The following ATP13A3 variants were observed in gnomAD, a reference collection of about 807,000 sequenced individuals.
The protein encoded by ATP13A3 is polyamine-transporting ATPase 13A3.
A neutral mutation model predicts 158.1 loss-of-function variants in ATP13A3; 59 were observed. The ratio of observed to expected loss-of-function variants is 0.37; its 90% confidence interval spans 0.30 to 0.46. ATP13A3 has a LOEUF of 0.46. Ranked by LOEUF, ATP13A3 falls within the 20% of genes least tolerant of loss-of-function variation. The probability of loss-of-function intolerance (pLI) is 1.00; values close to 1 mark genes in which losing one functional copy is unlikely to be tolerated. For synonymous variants in ATP13A3, 491 were observed against 504.3 expected (o/e 0.97, Z 0.35); for missense variants, 1,166 against 1,525.2 (o/e 0.76, Z 3.92).
Position 194,427,253 on chromosome 3 carries a change from C to T in ATP13A3, c.2948-1G>A. The T allele has an allele frequency of 6.3e-7, 1 of 1,590,512 alleles. No individual in the cohort carries two copies. The highest frequency in any genetic ancestry group is 8.5e-7 in the Non-Finnish European group (1 of 1,173,966). On this transcript the variant is annotated splice_acceptor_variant, in intron 28 of 33. Coordinates refer to ENST00000645319, the MANE Select transcript of ATP13A3 (RefSeq NM_001367549.1). LOFTEE classifies it high-confidence loss of function. ...TCTTTCCAGGCAGGATTTAAACTCA[C>T]TATATTGAAAAGAAAAAGAGGAAAG...
Position 194,404,154 on chromosome 3 carries a change from TG to T in ATP13A3, c.*1764del, listed in dbSNP as rs1438357022. On this transcript the variant is annotated 3_prime_UTR_variant, in exon 34 of 34. Coordinates refer to ENST00000645319, the MANE Select transcript of ATP13A3 (RefSeq NM_001367549.1). ...GAGAATAAGTAACTATAGAAAATAG[TG>T]CTAATTCACAGCTCAAGAGGTCTAA... 4 of 447,240 alleles carry T rather than the reference TG, an allele frequency of 8.9e-6. No individual in the cohort carries two copies. Among genetic ancestry groups the T allele is most frequent in the Non-Finnish European group, 1.8e-5 (4 of 224,808 alleles). 27.7% of individuals were successfully genotyped at this position (447,240 alleles called of 1,614,324 possible).
intron 30 of ATP13A3, 126 bp from the exon 31 acceptor site, chr3:194,420,093 G>A: frequency 9.4e-7 from 1 of 1,069,072 alleles, no homozygotes. Flanking sequence ...TCAGTTGATG[G>A]AATAAAGTAT....
At chr3:194,458,452 A>G (rs1347123694) in intron 6 of ATP13A3, among the ~76,000 whole-genome samples, 1 of 152,120 alleles carries the variant, frequency 6.6e-6, no homozygotes, top group Non-Finnish European at 1.5e-5. Flanking sequence ...GGAGTGGCAC[A>G]GTATCAGCTC....
Position 194,438,983 on chromosome 3 carries a change from AAAAG to A in ATP13A3, c.1711-15_1711-12del. 8 of 1,529,476 alleles carry A rather than the reference AAAAG, an allele frequency of 5.2e-6. No homozygotes were observed. The highest frequency in any genetic ancestry group is 7.1e-6 in the Non-Finnish European group (8 of 1,124,678). 94.7% of individuals were successfully genotyped at this position (1,529,476 alleles called of 1,614,324 possible). A position where few individuals can be genotyped will look rare whatever the true frequency, so the allele number is the denominator to read the frequency against. ...TGCTTCTTCCAGAATCTGGAAAAAA[AAAAG>A]AGACAAAAAAAAACAAAAACACAAC... On this transcript the variant is annotated splice_polypyrimidine_tract_variant and intron_variant, in intron 16 of 33. Coordinates refer to ENST00000645319, the MANE Select transcript of ATP13A3 (RefSeq NM_001367549.1).
intron 16 of ATP13A3, among the ~76,000 whole-genome samples, chr3:194,440,684 C>A (rs775417780): frequency 6.6e-6 from 1 of 152,090 alleles, no homozygotes; most frequent in Non-Finnish European, 1.5e-5. Context: ...AGGAGAGACA[C>A]CAGCCATGGG....
rs1474024083 is a variant in ATP13A3, at chr3:194,440,101, G to A, written c.1711-1129C>T. 2.6e-5 allele frequency among the ~76,000 whole-genome samples: 4 copies of A among 152,264 alleles called. No individual in the cohort carries two copies. In the East Asian group the frequency reaches 7.7e-4, roughly 29 times the overall value. On this transcript the variant is annotated intron_variant, in intron 16 of 33. Transcript: ENST00000645319. ...GTGGGGAGGCAGGGAAGAGGGAAGGGAGGATCCTGTAAATGTAAACAGAAA... is the reference window on the plus strand; with the variant it reads ...GTGGGGAGGCAGGGAAGAGGGAAGGAAGGATCCTGTAAATGTAAACAGAAA...
intron 17 of ATP13A3, 73 bp downstream of exon 17, chr3:194,438,782 TA>T: frequency 9.5e-7 from 1 of 1,047,434 alleles, no homozygotes; most frequent in Non-Finnish European, 1.4e-6. Context: ...CTATAAAAAA[TA>T]AAAATTGAAA....
intron 30 of ATP13A3, 175 bp from the exon 31 acceptor site, chr3:194,420,142 G>T: frequency 1.7e-6 from 1 of 572,910 alleles, no homozygotes; most frequent in Non-Finnish European, 2.5e-6. Context: ...CATTGTTCGG[G>T]GCACCCAAAA....
chr3:194,415,027 T>C (rs1715722033), intron 31 of ATP13A3, among the ~76,000 whole-genome samples: 3 of 152,058 alleles, frequency 2.0e-5, no homozygotes, highest in Admixed American at 1.3e-4. Flanking sequence ...AGAACAGAAA[T>C]GTAAGGAACC....
At chr3:194,483,294 A>G (rs1720829325) in intron 2 of ATP13A3, among the ~76,000 whole-genome samples, 1 of 150,710 alleles carries the variant, frequency 6.6e-6, no homozygotes. Flanking sequence ...TGGGGGGAAA[A>G]AAAAAGAAAA....
intron 30 of ATP13A3, among the ~76,000 whole-genome samples, chr3:194,422,156 A>G (rs1037383009): frequency 6.6e-6 from 1 of 152,150 alleles, no homozygotes; most frequent in Non-Finnish European, 1.5e-5. Context: ...TATCCAAAAA[A>G]GACACTAAGT....
In ATP13A3 at chr3:194,454,259, T is replaced by C. The variant is rs559657505; in HGVS notation, c.764A>G (p.Lys255Arg). The change falls in exon 9 of 34, where the codon AAG (lysine) becomes AGG (arginine). Residue 255 changes from lysine to arginine, a missense_variant and splice_region_variant. Around this residue, in one of 3 missense-constraint regions of ATP13A3, gnomAD observed 997 missense variants for 1,341.2 expected, o/e 0.74. Coordinates refer to ENST00000645319, the MANE Select transcript of ATP13A3 (RefSeq NM_001367549.1). The stretch of plus-strand genomic sequence containing the variant: ...AACCCATAATAAATTTGAACTTACC[T>C]TTCTAATGGAATATAGTGAGCTTAC... ...SIVSSLYSIR[K>R]QYVMLHDMVA... The C allele has an allele frequency of 2.4e-5, 38 of 1,598,332 alleles. No individual in the cohort carries two copies. The South Asian group carries it at 4.0e-4, about 17-fold the overall frequency.
In ATP13A3 at chr3:194,407,080, TA is replaced by T. The variant is rs1183836351; in HGVS notation, c.3574-965del. On this transcript the variant is annotated intron_variant, in intron 33 of 33. Coordinates refer to ENST00000645319, the MANE Select transcript of ATP13A3 (RefSeq NM_001367549.1). Reference sequence around the variant, plus strand: ...TTAATGCATAGAAATGTAAACTCAATAGAGGGCTGAAAAGGGCCCTCAGAAT... The same window carrying T: ...TTAATGCATAGAAATGTAAACTCAATGAGGGCTGAAAAGGGCCCTCAGAAT... 3.3e-5 allele frequency among the ~76,000 whole-genome samples: 5 copies of T among 152,306 alleles called. No individual in the cohort carries two copies. The South Asian group carries it at 1.0e-3, about 32-fold the overall frequency.
intron 20 of ATP13A3, among the ~76,000 whole-genome samples, chr3:194,435,667 G>A (rs767536875): frequency 2.0e-5 from 3 of 152,182 alleles, no homozygotes; most frequent in Non-Finnish European, 4.4e-5. Flanking sequence ...CCAGTACTTT[G>A]GGAGGCCAAG....
rs767973072 is a variant in ATP13A3, at chr3:194,438,954, C to T, written c.1729G>A (p.Glu577Lys). The change falls in exon 17 of 34, where the codon GAA (glutamate) becomes AAA (lysine). Residue 577 changes from glutamate (E) to lysine (K), a missense_variant. Transcript: ENST00000645319. ...CGATTATGAAGTGCTGTTTCTTCTT[C>T]AGTTGCTTCTTCCAGAATCTGGAAA... ...AIGWILEEAT[E>K]EETALHNRIM... The T allele has an allele frequency of 1.3e-6, 2 of 1,587,710 alleles. No individual in the cohort carries two copies. The highest frequency in any genetic ancestry group is 1.7e-6 in the Non-Finnish European group (2 of 1,168,204).
chr3:194,422,003 A>T (rs1292189193), intron 30 of ATP13A3, among the ~76,000 whole-genome samples: 1 of 150,856 alleles, frequency 6.6e-6, no homozygotes, highest in Non-Finnish European at 1.5e-5. Context: ...TACCTAAACA[A>T]TGTTTGTTTC....
Position 194,403,475 on chromosome 3 carries a change from T to A in ATP13A3, c.*2444A>T, listed in dbSNP as rs1714746142. 1 of 152,254 alleles carries A rather than the reference T, an allele frequency of 6.6e-6. No individual in the cohort carries two copies. The highest frequency in any genetic ancestry group is 2.1e-4 in the South Asian group (1 of 4,832). 9.4% of individuals were successfully genotyped at this position (152,254 alleles called of 1,614,324 possible). A position where few individuals can be genotyped will look rare whatever the true frequency, so the allele number is the denominator to read the frequency against. ...TGAGGGAGACACACATTAAAAATCT[T>A]GTTATTTATTTAAAAAGTTAAAAAG... On this transcript the variant is annotated 3_prime_UTR_variant, in exon 34 of 34. Coordinates refer to ENST00000645319, the MANE Select transcript of ATP13A3 (RefSeq NM_001367549.1).
chr3:194,421,098 T>C (rs1212740471), intron 30 of ATP13A3, among the ~76,000 whole-genome samples: 1 of 29,088 alleles, frequency 3.4e-5, no homozygotes, highest in Non-Finnish European at 6.6e-5. Flanking sequence ...TGTTTATATA[T>C]ACCAGTGTGT....
In ATP13A3 at chr3:194,454,644, G is replaced by A. The variant is rs188319930; in HGVS notation, c.631-252C>T. ...GAGATCAAAACATCCTGGCTAACAC[G>A]GTGAAACCCTGTCTCTACTAAAAAA... On this transcript the variant is annotated intron_variant, in intron 8 of 33. Coordinates refer to ENST00000645319, the MANE Select transcript of ATP13A3 (RefSeq NM_001367549.1). Among the ~76,000 whole-genome samples, 910 of 151,998 alleles carry A rather than the reference G, an allele frequency of 6.0e-3. 3 individuals are homozygous for A. Among genetic ancestry groups the A allele is most frequent in the South Asian group, 1.0e-2 (48 of 4,812 alleles).
Sources: gnomAD v4.1 joint callset for allele counts (sites outside exome capture counted in the v4.1 genomes callset) on GRCh38, gnomAD v4.1.1 for gene constraint, gnomAD v4.1.1 regional missense constraint, MANE v1.5 for transcripts, NCBI Gene and HGNC (gene_info 2026-07-23, HGNC 2026-07-21) for gene names.